Variants in MUSK observed in about 807,000 individuals in gnomAD.
The protein encoded by MUSK is muscle, skeletal receptor tyrosine-protein kinase.
Under a neutral mutation model 88.7 loss-of-function variants are expected in MUSK, and 55 were observed. The observed-to-expected ratio is 0.62, with a 90% CI of 0.50 to 0.78. The LOEUF is 0.78. Among genes scored for constraint, MUSK ranks in the 30% least tolerant of loss-of-function variants. The pLI, the probability that MUSK is intolerant of heterozygous loss-of-function variation, is 0.00. For missense variants in MUSK, 1,015 were observed against 1,074.3 expected, an observed-to-expected ratio of 0.94 and a Z score of 0.77; for synonymous variants, 387 against 391.9, an observed-to-expected ratio of 0.99 and a Z score of 0.15.
chr9:110,722,438 A>G (rs1034765838), intron 5 of MUSK, among the ~76,000 whole-genome samples: 8 of 151,914 alleles, frequency 5.3e-5, no homozygotes, highest in African/African-American at 1.7e-4. Flanking sequence ...GCTGAGGCAG[A>G]GGAATCACTT....
chr9:110,690,322 A>G (rs1446058631), intron 3 of MUSK, among the ~76,000 whole-genome samples: 40 of 98,364 alleles, frequency 4.1e-4, no homozygotes, highest in African/African-American at 1.8e-3. Context: ...ATATAGAAAT[A>G]TATATTTAAA....
chr9:110,728,602 G>C (rs915964586), intron 5 of MUSK: 6 of 841,096 alleles, frequency 7.1e-6, no homozygotes, highest in Admixed American at 4.1e-5. Context: ...TGATGTTTCT[G>C]TGGTCAAAGA....
At chr9:110,709,260 A>G (rs1180662340) in intron 5 of MUSK, among the ~76,000 whole-genome samples, 1 of 152,216 alleles carries the variant, frequency 6.6e-6, no homozygotes, top group Non-Finnish European at 1.5e-5. Flanking sequence ...TAATTGTTAT[A>G]TTTATTTCCG....
Position 110,801,834 on chromosome 9 carries a change from T to C in MUSK, c.*846T>C, listed in dbSNP as rs115848648. ...TCCAGGACTTCTGTCCTTTTTTAGTTATTAAGCTATTTTTTTCTTTTATTT... is the reference window on the plus strand; with the variant it reads ...TCCAGGACTTCTGTCCTTTTTTAGTCATTAAGCTATTTTTTTCTTTTATTT... On this transcript the variant is annotated 3_prime_UTR_variant, in exon 15 of 15. Transcript: ENST00000374448. 3.6e-3 allele frequency among the ~76,000 whole-genome samples: 544 copies of C among 152,368 alleles called. 3 individuals carry two copies. The highest frequency in any genetic ancestry group is 0.013 in the African/African-American group (521 of 41,590).
At chr9:110,785,444 C>A in intron 12 of MUSK, 83 bp from the exon 13 acceptor site, 1 of 1,167,374 alleles carries the variant, frequency 8.6e-7, no homozygotes, top group Non-Finnish European at 1.2e-6. Context: ...TCTTAAATGC[C>A]ATATTTCTTA....
At chr9:110,689,135 A>AATAAACTATATATTTATATAAAAT (rs2076242938) in intron 3 of MUSK, among the ~76,000 whole-genome samples, 1 of 132,034 alleles carries the variant, frequency 7.6e-6, no homozygotes, top group Non-Finnish European at 1.5e-5. Context: ...AAACTACATA[A>AATAAACTATATATTTATATAAAAT]ATAAACTATA....
At chr9:110,704,686 T>C (rs1453519543) in intron 5 of MUSK, among the ~76,000 whole-genome samples, 1 of 152,138 alleles carries the variant, frequency 6.6e-6, no homozygotes, top group East Asian at 1.9e-4. Flanking sequence ...CATCTCTGCA[T>C]AGAGAATTAT....
At chr9:110,684,344 T>C (rs1417549434) in intron 2 of MUSK, among the ~76,000 whole-genome samples, 1 of 152,096 alleles carries the variant, frequency 6.6e-6, no homozygotes, top group Non-Finnish European at 1.5e-5. Flanking sequence ...CATTGGTCTA[T>C]GTGTCTCTTT....
intron 6 of MUSK, 49 bp downstream of exon 6, chr9:110,734,424 T>C (rs1440608221): frequency 6.2e-7 from 1 of 1,611,354 alleles, no homozygotes; most frequent in Non-Finnish European, 8.5e-7. Flanking sequence ...CCATTGGTGG[T>C]GAACTTCAGG....
At chr9:110,798,474 A>G (rs904962345) in intron 14 of MUSK, among the ~76,000 whole-genome samples, 1 of 152,192 alleles carries the variant, frequency 6.6e-6, no homozygotes, top group Non-Finnish European at 1.5e-5. Context: ...TAGAACAATC[A>G]GGTGAGATTA....
At chr9:110,690,474 A>G (rs867404816) in intron 3 of MUSK, among the ~76,000 whole-genome samples, 1 of 30,978 alleles carries the variant, frequency 3.2e-5, no homozygotes, top group African/African-American at 1.8e-4. Context: ...ATATAAGTAT[A>G]TATATAAATA....
chr9:110,788,408 G>C (rs1415825116), intron 14 of MUSK, among the ~76,000 whole-genome samples: 4 of 152,048 alleles, frequency 2.6e-5, no homozygotes, highest in Non-Finnish European at 4.4e-5. Flanking sequence ...GAGGCAGGCA[G>C]ATCACTTGAG....
intron 5 of MUSK, among the ~76,000 whole-genome samples, chr9:110,723,857 T>C (rs1268777812): frequency 1.3e-5 from 2 of 152,054 alleles, no homozygotes; most frequent in African/African-American, 4.8e-5. Context: ...TCCACCACTA[T>C]GTCTTCAAAT....
At chr9:110,770,481 TA>T (rs1158053311) in intron 9 of MUSK, among the ~76,000 whole-genome samples, 2 of 146,936 alleles carry the variant, frequency 1.4e-5, no homozygotes, top group Non-Finnish European at 3.0e-5. Context: ...TATATAATTA[TA>T]ATTATAGTTT....
chr9:110,709,365 T>C (rs2076639973), intron 5 of MUSK, among the ~76,000 whole-genome samples: 1 of 152,204 alleles, frequency 6.6e-6, no homozygotes, highest in Admixed American at 6.5e-5. Context: ...CTGCATGGGC[T>C]CTAGAGTCTC....
chr9:110,755,388 G>A (rs145169288), intron 7 of MUSK, among the ~76,000 whole-genome samples: 88 of 152,276 alleles, frequency 5.8e-4, no homozygotes, highest in African/African-American at 1.7e-3. Flanking sequence ...ATAAAGAGAG[G>A]TAACAAAGAC....
chr9:110,787,610 G>T (rs1394382139), intron 13 of MUSK, 80 bp from the exon 14 acceptor site: 5 of 1,401,538 alleles, frequency 3.6e-6, no homozygotes, highest in South Asian at 1.4e-5. Context: ...GGAGGTGGGA[G>T]GATATGTATA....
intron 6 of MUSK, among the ~76,000 whole-genome samples, chr9:110,745,882 A>G (rs549503168): frequency 6.6e-6 from 1 of 152,362 alleles, no homozygotes; most frequent in Non-Finnish European, 1.5e-5. Flanking sequence ...CTAGTTGGAC[A>G]AACGTTCACT....
At chr9:110,735,031 C>T (rs183683064) in intron 6 of MUSK, among the ~76,000 whole-genome samples, 3 of 152,056 alleles carry the variant, frequency 2.0e-5, no homozygotes, top group East Asian at 3.9e-4. Context: ...TGTCAAATGC[C>T]ATGCAGAAAA....
Sources: allele counts gnomAD v4.1 joint callset (sites outside exome capture counted in the v4.1 genomes callset), GRCh38; gene constraint gnomAD v4.1.1; transcripts MANE v1.5; gene names NCBI Gene and HGNC (gene_info 2026-07-23, HGNC 2026-07-21).